PTGES3: variants seen among roughly 807,000 people sequenced by gnomAD.
PTGES3 encodes the protein Hsp90 co-chaperone.
PTGES3 carries 5 observed loss-of-function variants against 29.9 expected under a neutral mutation model. That is an observed-to-expected ratio of 0.17 (90% CI 0.09 to 0.35). The LOEUF is 0.35. Among genes scored for constraint, PTGES3 ranks in the 10% least tolerant of loss-of-function variants. The probability of loss-of-function intolerance (pLI) is 1.00; values close to 1 mark genes in which losing one functional copy is unlikely to be tolerated. For synonymous variants in PTGES3, 49 were observed against 57.8 expected, an observed-to-expected ratio of 0.85 and a Z score of 0.69; for missense variants, 128 against 190.0, an observed-to-expected ratio of 0.67 and a Z score of 1.92.
chr12:56,688,033 G>A lies in PTGES3; in HGVS notation c.-34C>T, dbSNP rs1952969116. 6.6e-7 allele frequency: 1 copy of A among 1,515,312 alleles called. No individual in the cohort carries two copies. Among genetic ancestry groups the A allele is most frequent in the Non-Finnish European group, 8.8e-7 (1 of 1,130,594 alleles). The allele number at this position is 1,515,312 out of a possible 1,614,324, so 93.9% of individuals were successfully genotyped here. A position where few individuals can be genotyped will look rare whatever the true frequency, so the allele number is the denominator to read the frequency against. Reference sequence around the variant, plus strand: ...GGGCAGGGGGACGGGCGAACTGGTGGGCGGGCCTCTCTGGCGGCGGCTGCT... The same window carrying A: ...GGGCAGGGGGACGGGCGAACTGGTGAGCGGGCCTCTCTGGCGGCGGCTGCT... On this transcript the variant is annotated 5_prime_UTR_variant, in exon 1 of 8. Coordinates refer to ENST00000262033, the MANE Select transcript of PTGES3 (RefSeq NM_006601.7).
rs532421729 is a variant in PTGES3 at position 56,668,896 on chromosome 12, G to A, written c.375+1379C>T. 4.6e-5 allele frequency among the ~76,000 whole-genome samples: 7 copies of A among 151,992 alleles called. No homozygotes were observed. In the South Asian group the frequency reaches 1.5e-3, roughly 32 times the overall value. On this transcript the variant is annotated intron_variant, in intron 5 of 7. Transcript: ENST00000262033. ...ATAAAGTCTATTCTGCCTATATAGA[G>A]ATGAATCATTTATTCTTGGGCCATG...
At chr12:56,676,647 T>C (rs1227559484) in intron 1 of PTGES3, among the ~76,000 whole-genome samples, 1 of 151,922 alleles carries the variant, frequency 6.6e-6, no homozygotes, top group African/African-American at 2.4e-5. Context: ...GATAGAAAAG[T>C]GCTAAGTGGG....
intron 1 of PTGES3, among the ~76,000 whole-genome samples, chr12:56,685,770 CTTTTTTTTTTT>C (rs9325161): frequency 1.4e-5 from 1 of 71,898 alleles, no homozygotes; most frequent in African/African-American, 6.1e-5. Context: ...GCTACACTTA[CTTTTTTTTTTT>C]TTTTTTTTTT....
chr12:56,680,297 G>C (rs561283830), intron 1 of PTGES3, among the ~76,000 whole-genome samples: 7 of 151,506 alleles, frequency 4.6e-5, no homozygotes, highest in Non-Finnish European at 1.0e-4. Flanking sequence ...GGCTGGTCTC[G>C]AACTCGGCCT....
At chr12:56,687,939 C>T in intron 1 of PTGES3, 59 bp downstream of exon 1, 2 of 1,603,560 alleles carry the variant, frequency 1.2e-6, no homozygotes, top group Non-Finnish European at 1.7e-6. Context: ...TTCCAGGGAG[C>T]CCCCAACGCG....
intron 6 of PTGES3, 129 bp downstream of exon 6, chr12:56,666,075 C>T (rs1951773910): frequency 2.1e-6 from 3 of 1,400,626 alleles, no homozygotes; most frequent in South Asian, 3.4e-5. Flanking sequence ...TTAAAAATTG[C>T]TTTTCCCTTT....
rs1952055707 is a variant in PTGES3, at chr12:56,672,741, T to C, written c.185A>G (p.Asn62Ser). 6.4e-7 allele frequency: 1 copy of C among 1,567,346 alleles called. No individual in the cohort carries two copies. The highest frequency in any genetic ancestry group is 2.0e-5 in the Admixed American group (1 of 49,744). Residue 62 changes from asparagine (N) to serine (S), a missense_variant and splice_region_variant, in exon 3 of 8, where the codon AAT becomes AGT. Coordinates refer to ENST00000262033, the MANE Select transcript of PTGES3 (RefSeq NM_006601.7). Reference sequence around the variant, plus strand: ...GATTAAAGCATAAAGACTACTTACATTTGGATCAATACAGTGAAAAAGATC... The same window carrying C: ...GATTAAAGCATAAAGACTACTTACACTTGGATCAATACAGTGAAAAAGATC... The part of the protein sequence containing the change: ...EIDLFHCIDP[N>S]DSKHKRTDRS...
At chr12:56,679,760 C>T (rs2137684704) in intron 1 of PTGES3, among the ~76,000 whole-genome samples, 1 of 152,212 alleles carries the variant, frequency 6.6e-6, no homozygotes, top group East Asian at 1.9e-4. Flanking sequence ...CCGCAACCTC[C>T]ACCTCCCAGG....
chr12:56,672,633 G>C (rs955129711), intron 3 of PTGES3, 107 bp downstream of exon 3: 13 of 1,233,514 alleles, frequency 1.1e-5, no homozygotes, highest in Non-Finnish European at 1.1e-5. Context: ...TACATAGTTT[G>C]CCTCACTGTT....
chr12:56,664,837 ATATT>A, intron 6 of PTGES3, 37 bp from the exon 7 acceptor site: 1 of 1,590,414 alleles, frequency 6.3e-7, no homozygotes, highest in Non-Finnish European at 8.6e-7. Context: ...AGCTGATCAA[ATATT>A]CGTTTGCTAA....
At chr12:56,669,505 A>C (rs1249510291) in intron 5 of PTGES3, among the ~76,000 whole-genome samples, 1 of 151,522 alleles carries the variant, frequency 6.6e-6, no homozygotes, top group Non-Finnish European at 1.5e-5. Context: ...CTGGTCTTGA[A>C]CTCCTGACCT....
intron 1 of PTGES3, among the ~76,000 whole-genome samples, chr12:56,681,685 T>A (rs1054666157): frequency 1.3e-5 from 2 of 149,638 alleles, no homozygotes; most frequent in Non-Finnish European, 3.0e-5. Flanking sequence ...CCATCTCTAC[T>A]TAAAAAAAAA....
intron 1 of PTGES3, among the ~76,000 whole-genome samples, chr12:56,680,063 G>A (rs1952453290): frequency 6.8e-6 from 1 of 148,062 alleles, no homozygotes; most frequent in Non-Finnish European, 1.5e-5. Flanking sequence ...TTCCATTTTT[G>A]TTTTATTGGT....
At chr12:56,669,412 T>C (rs904806361) in intron 5 of PTGES3, among the ~76,000 whole-genome samples, 3 of 152,018 alleles carry the variant, frequency 2.0e-5, no homozygotes, top group Non-Finnish European at 2.9e-5. Context: ...GCCTTCTGAG[T>C]AGCTGAGATT....
At chr12:56,672,276 G>A (rs539781042) in intron 3 of PTGES3, among the ~76,000 whole-genome samples, 24 of 152,306 alleles carry the variant, frequency 1.6e-4, no homozygotes, top group Non-Finnish European at 2.8e-4. Flanking sequence ...GGCCGAGGCA[G>A]GTGGAACACC....
chr12:56,687,957 C>T (rs1398466557), intron 1 of PTGES3, 41 bp downstream of exon 1: 1 of 1,603,404 alleles, frequency 6.2e-7, no homozygotes, highest in Non-Finnish European at 8.5e-7. Context: ...GCGGCCTCGG[C>T]CTCACTCGGC....
chr12:56,682,383 G>T (rs1478711003), intron 1 of PTGES3, among the ~76,000 whole-genome samples: 1 of 152,036 alleles, frequency 6.6e-6, no homozygotes, highest in Non-Finnish European at 1.5e-5. Flanking sequence ...TAGCAACATT[G>T]TGAGACCCCC....
chr12:56,687,596 G>A, intron 1 of PTGES3: 2 of 1,070,954 alleles, frequency 1.9e-6, no homozygotes, highest in South Asian at 3.1e-5. Flanking sequence ...GCCTGGCCCC[G>A]GGACCACAAA....
intron 1 of PTGES3, chr12:56,687,775 G>T: frequency 7.2e-7 from 1 of 1,380,396 alleles, no homozygotes; most frequent in East Asian, 3.0e-5. Context: ...TCCGGCATGG[G>T]GAAGCCAAGG....
Sources: allele counts gnomAD v4.1 joint callset (sites outside exome capture counted in the v4.1 genomes callset), GRCh38; gene constraint gnomAD v4.1.1; transcripts MANE v1.5; gene names NCBI Gene and HGNC (gene_info 2026-07-23, HGNC 2026-07-21).